Variants in PIR observed in about 807,000 individuals in gnomAD.
PIR encodes the protein pirin (iron-binding nuclear protein).
In PIR, 22 loss-of-function variants were observed where a neutral mutation model predicts 24.2. The ratio of observed to expected loss-of-function variants is 0.91; its 90% CI spans 0.65 to 1.30. The LOEUF (loss-of-function observed/expected upper bound fraction) is 1.30, where lower values mean the gene tolerates loss of function less well. PIR is among the 50% of genes most tolerant of loss of function. PIR has a pLI of 0.00. For synonymous variants in PIR, 80 were observed against 79.6 expected (o/e 1.00, Z -0.03); for missense variants, 220 against 220.3 (o/e 1.00, Z 0.01).
At chrX:15,443,238 CTG>C (rs1454934753) in intron 5 of PIR, among the ~76,000 whole-genome samples, 1 of 111,737 alleles carries the variant, frequency 8.9e-6, no homozygotes, top group Non-Finnish European at 1.9e-5. Flanking sequence ...GAAAGCTATT[CTG>C]TGTACAGCAT....
intron 8 of PIR, among the ~76,000 whole-genome samples, chrX:15,394,187 T>C (rs902364466): frequency 9.0e-6 from 1 of 111,701 alleles, no homozygotes; most frequent in African/African-American, 3.3e-5. Flanking sequence ...CATGCATTTG[T>C]TCCTACCAGA....
chrX:15,395,342 A>G (rs1024506813), intron 8 of PIR, among the ~76,000 whole-genome samples: 2 of 112,147 alleles, frequency 1.8e-5, no homozygotes, highest in Non-Finnish European at 3.8e-5. Flanking sequence ...CAACGTAGTA[A>G]ACCAAACCTT....
At chrX:15,451,626 AT>A (rs1317563129) in intron 5 of PIR, among the ~76,000 whole-genome samples, 1 of 111,219 alleles carries the variant, frequency 9.0e-6, no homozygotes, top group Non-Finnish European at 1.9e-5. Context: ...TAATGATTTC[AT>A]TTACTCATTT....
At chrX:15,398,125 A>T (rs1295830129) in intron 7 of PIR, among the ~76,000 whole-genome samples, 3 of 110,863 alleles carry the variant, frequency 2.7e-5, no homozygotes, top group Non-Finnish European at 5.7e-5. Flanking sequence ...GAGGGATAGC[A>T]TTAGGAGATA....
At chrX:15,436,146 A>C (rs1925743765) in intron 5 of PIR, among the ~76,000 whole-genome samples, 1 of 112,525 alleles carries the variant, frequency 8.9e-6, no homozygotes, top group African/African-American at 3.2e-5. Flanking sequence ...AACTTCTATC[A>C]ACCATAAAAG....
chrX:15,469,578 A>T (rs760949357), intron 3 of PIR, among the ~76,000 whole-genome samples: 4 of 112,054 alleles, frequency 3.6e-5, no homozygotes, highest in Non-Finnish European at 7.5e-5. Context: ...TGAGGGAGTA[A>T]TTCGTGGAGG....
intron 5 of PIR, among the ~76,000 whole-genome samples, chrX:15,433,747 A>G (rs1602266202): frequency 1.7e-4 from 1 of 5,724 alleles, no homozygotes; most frequent in Non-Finnish European, 3.0e-4. Context: ...GAGGAGGAGG[A>G]AGGAGAAAGA....
intron 2 of PIR, among the ~76,000 whole-genome samples, chrX:15,481,310 T>C (rs1451178723): frequency 8.9e-6 from 1 of 112,546 alleles, no homozygotes. Flanking sequence ...CTGGTTGTCA[T>C]CAACATATGT....
At chrX:15,490,465 T>C (rs1473422680) in intron 2 of PIR, among the ~76,000 whole-genome samples, 1 of 112,031 alleles carries the variant, frequency 8.9e-6, no homozygotes, top group Non-Finnish European at 1.9e-5. Context: ...GGATCTGATA[T>C]GGTGCTAGGG....
chrX:15,439,305 G>C (rs749927930), intron 5 of PIR, among the ~76,000 whole-genome samples: 1 of 112,112 alleles, frequency 8.9e-6, no homozygotes, highest in African/African-American at 3.2e-5. Context: ...TCAAAGACTC[G>C]GTAACAAAAA....
chrX:15,459,835 G>T, intron 3 of PIR, 95 bp from the exon 4 acceptor site: 2 of 439,806 alleles, frequency 4.5e-6, no homozygotes, highest in Non-Finnish European at 4.1e-6. Flanking sequence ...TGAGTTCCTT[G>T]TATATTTTGG....
intron 6 of PIR, among the ~76,000 whole-genome samples, chrX:15,422,371 G>T (rs1424720316): frequency 3.7e-5 from 4 of 107,075 alleles, no homozygotes; most frequent in Non-Finnish European, 7.7e-5. Context: ...AAGAAAGGAA[G>T]AAGTCAAACT....
At chrX:15,391,038 C>T (rs988473898) in intron 8 of PIR, among the ~76,000 whole-genome samples, 1 of 111,346 alleles carries the variant, frequency 9.0e-6, no homozygotes, top group Non-Finnish European at 1.9e-5. Flanking sequence ...ATTTCACTGT[C>T]GTAGCACTAT....
intron 6 of PIR, among the ~76,000 whole-genome samples, chrX:15,416,717 G>C (rs1186898303): frequency 9.1e-6 from 1 of 109,865 alleles, no homozygotes; most frequent in Non-Finnish European, 1.9e-5. Flanking sequence ...AAAGTCTCTG[G>C]CTTCCAACTT....
At chrX:15,454,253 G>A (rs1300320378) in intron 5 of PIR, among the ~76,000 whole-genome samples, 1 of 111,235 alleles carries the variant, frequency 9.0e-6, no homozygotes, top group East Asian at 2.8e-4. Flanking sequence ...AGCTGAAAAG[G>A]GCACTCACTG....
chrX:15,448,951 G>C (rs752052488), intron 5 of PIR, among the ~76,000 whole-genome samples: 15 of 112,349 alleles, frequency 1.3e-4, no homozygotes, highest in Non-Finnish European at 2.4e-4. Context: ...GACAGTGGTT[G>C]TATCTTATTC....
intron 4 of PIR, among the ~76,000 whole-genome samples, chrX:15,459,059 C>T (rs1355143755): frequency 1.8e-5 from 2 of 112,350 alleles, no homozygotes; most frequent in Non-Finnish European, 1.9e-5. Flanking sequence ...AGAGTTTCGA[C>T]TTACAAAACT....
intron 5 of PIR, among the ~76,000 whole-genome samples, chrX:15,427,719 CAT>C (rs199746564): frequency 1.0e-3 from 112 of 108,555 alleles, no homozygotes; most frequent in Non-Finnish European, 1.5e-3. Context: ...CACACACACA[CAT>C]ATATATACCG....
intron 7 of PIR, among the ~76,000 whole-genome samples, 156 bp downstream of exon 7, chrX:15,407,350 C>T (rs1259603021): frequency 8.9e-6 from 1 of 112,217 alleles, no homozygotes; most frequent in African/African-American, 3.2e-5. Context: ...GGCACCCTGC[C>T]CTGGGCATAC....
Sources: gnomAD v4.1 joint callset for allele counts (sites outside exome capture counted in the v4.1 genomes callset) on GRCh38, gnomAD v4.1.1 for gene constraint, MANE v1.5 for transcripts, NCBI Gene and HGNC (gene_info 2026-07-23, HGNC 2026-07-21) for gene names.